SYNPR: variants seen among roughly 807,000 people sequenced by gnomAD.
SYNPR encodes synaptoporin.
In SYNPR, 23 loss-of-function variants were observed where a neutral mutation model predicts 32.9. The ratio of observed to expected loss-of-function variants is 0.70; its 90% confidence interval spans 0.50 to 0.99. The LOEUF is 0.99. SYNPR is among the 50% of genes least tolerant of loss of function. The probability of loss-of-function intolerance (pLI) is 0.00; values close to 1 mark genes in which losing one functional copy is unlikely to be tolerated. For missense variants in SYNPR, 318 were observed against 349.3 expected, an observed-to-expected ratio of 0.91 and a Z score of 0.71; for synonymous variants, 146 against 135.9, an observed-to-expected ratio of 1.07 and a Z score of -0.52.
At chr3:63,236,184 C>T (rs1028500106) in intron 1 of SYNPR, among the ~76,000 whole-genome samples, 3 of 151,412 alleles carry the variant, frequency 2.0e-5, no homozygotes, top group Admixed American at 2.0e-4. Context: ...TTTGTTGGGT[C>T]TTTTGTACGG....
rs377196290 is a variant in SYNPR at position 63,258,099 on chromosome 3, T to C, written n.154+5513T>C. ...GTCCTTAGAGACCTAGAAAGAGACT[T>C]AGACTCCCACACAATAATAATGGGA... On this transcript the variant is annotated intron_variant and non_coding_transcript_variant, in intron 2 of 4. Coordinates refer to the SYNPR transcript ENST00000478456. 9.2e-5 allele frequency among the ~76,000 whole-genome samples: 14 copies of C among 152,264 alleles called. No individual in the cohort carries two copies. The South Asian group carries it at 2.7e-3, about 29-fold the overall frequency.
chr3:63,261,954 C>A (rs1377261963), intron 2 of SYNPR, among the ~76,000 whole-genome samples: 1 of 151,816 alleles, frequency 6.6e-6, no homozygotes, highest in Non-Finnish European at 1.5e-5. Flanking sequence ...GTGCAGCATA[C>A]CAACATGGCA....
intron 2 of SYNPR, among the ~76,000 whole-genome samples, chr3:63,422,318 G>A (rs1188938705): frequency 6.6e-6 from 1 of 152,106 alleles, no homozygotes; most frequent in Non-Finnish European, 1.5e-5. Context: ...CAATGGAAAT[G>A]TCAATTGGTT....
At chr3:63,235,896 C>G (rs2086197348) in intron 1 of SYNPR, among the ~76,000 whole-genome samples, 1 of 151,952 alleles carries the variant, frequency 6.6e-6, no homozygotes, top group African/African-American at 2.4e-5. Context: ...ATCAATTTTT[C>G]TTTTATTAAT....
chr3:63,380,458 A>G (rs1295815929), intron 2 of SYNPR, among the ~76,000 whole-genome samples: 2 of 151,864 alleles, frequency 1.3e-5, no homozygotes, highest in African/African-American at 2.4e-5. Flanking sequence ...GCATTTTTTC[A>G]TGTGTCTGTT....
At chr3:63,415,535 G>A (rs1159154130) in intron 2 of SYNPR, among the ~76,000 whole-genome samples, 1 of 152,030 alleles carries the variant, frequency 6.6e-6, no homozygotes. Flanking sequence ...TAGGCTTCAT[G>A]GGCCCTGTAG....
chr3:63,613,297 C>T (rs1371417019), intron 5 of SYNPR, among the ~76,000 whole-genome samples: 2 of 151,932 alleles, frequency 1.3e-5, no homozygotes, highest in African/African-American at 4.8e-5. Flanking sequence ...TTACCATGCA[C>T]ATGGTAAAAT....
At chr3:63,256,493 C>T (rs2086384987) in intron 2 of SYNPR, among the ~76,000 whole-genome samples, 1 of 152,328 alleles carries the variant, frequency 6.6e-6, no homozygotes, top group African/African-American at 2.4e-5. Flanking sequence ...CTCCAACAGA[C>T]CCGCAGCTGA....
the SYNPR span, among the ~76,000 whole-genome samples, chr3:63,218,842 C>T: frequency 2.6e-3 from 403 of 152,298 alleles, 6 homozygotes; most frequent in African/African-American, 8.7e-3. Flanking sequence ...ATTGGTTCTG[C>T]GGCTAAACAA....
intron 4 of SYNPR, among the ~76,000 whole-genome samples, chr3:63,573,263 T>G (rs1338212018): frequency 2.0e-5 from 3 of 152,090 alleles, no homozygotes; most frequent in Non-Finnish European, 2.9e-5. Context: ...CAACAGAACA[T>G]CATAGTGGAC....
At chr3:63,266,465 G>C (rs11926405) in intron 2 of SYNPR, among the ~76,000 whole-genome samples, 1 of 151,604 alleles carries the variant, frequency 6.6e-6, no homozygotes, top group Non-Finnish European at 1.5e-5. Context: ...CAATTTGGGA[G>C]GCCAAGGTGG....
At chr3:63,292,720 G>T (rs1293486671) in intron 2 of SYNPR, among the ~76,000 whole-genome samples, 1 of 152,154 alleles carries the variant, frequency 6.6e-6, no homozygotes, top group African/African-American at 2.4e-5. Flanking sequence ...GCAAAACTTT[G>T]CAAAGAAAGC....
chr3:63,404,624 CT>C (rs1353350837), intron 2 of SYNPR, among the ~76,000 whole-genome samples: 1 of 152,024 alleles, frequency 6.6e-6, no homozygotes, highest in Non-Finnish European at 1.5e-5. Context: ...ACAGAGACCC[CT>C]GTGCTTCAAA....
intron 3 of SYNPR, among the ~76,000 whole-genome samples, chr3:63,545,126 C>T (rs542736005): frequency 2.0e-5 from 3 of 151,878 alleles, no homozygotes; most frequent in Non-Finnish European, 4.4e-5. Flanking sequence ...ATTGCTGGGA[C>T]TGATACTTGA....
chr3:63,430,095 G>A (rs1316316209), intron 2 of SYNPR, among the ~76,000 whole-genome samples: 2 of 152,136 alleles, frequency 1.3e-5, no homozygotes, highest in African/African-American at 4.8e-5. Flanking sequence ...CAAGAGCTAG[G>A]TTGTTGGGAA....
chr3:63,408,336 G>GA (rs1264135615), intron 2 of SYNPR, among the ~76,000 whole-genome samples: 2 of 138,568 alleles, frequency 1.4e-5, no homozygotes, highest in African/African-American at 3.1e-5. Context: ...AAGAAAGAAA[G>GA]AAAGAAAGAA....
chr3:63,556,311 C>T (rs1402171837), intron 3 of SYNPR, among the ~76,000 whole-genome samples: 3 of 152,188 alleles, frequency 2.0e-5, no homozygotes, highest in Non-Finnish European at 2.9e-5. Flanking sequence ...TTCCTCCTCT[C>T]TACCTAAGGG....
intron 2 of SYNPR, among the ~76,000 whole-genome samples, chr3:63,388,816 T>C (rs1340303425): frequency 6.6e-6 from 1 of 152,052 alleles, no homozygotes; most frequent in Non-Finnish European, 1.5e-5. Flanking sequence ...CAGAAATTAT[T>C]AGATTTATAC....
chr3:63,460,255 C>T (rs1700557184), intron 2 of SYNPR, among the ~76,000 whole-genome samples: 1 of 151,998 alleles, frequency 6.6e-6, no homozygotes, highest in Non-Finnish European at 1.5e-5. Flanking sequence ...CCTGTAATGC[C>T]CCTTACATCA....
Sources: allele counts gnomAD v4.1 joint callset (sites outside exome capture counted in the v4.1 genomes callset), GRCh38; gene constraint gnomAD v4.1.1; transcripts MANE v1.5; gene names NCBI Gene and HGNC (gene_info 2026-07-23, HGNC 2026-07-21).